Variants in DOCK5 observed in about 807,000 individuals in gnomAD.
DOCK5 encodes the protein dedicator of cytokinesis 5, also known as dedicator of cytokinesis protein 5.
In DOCK5, 142 loss-of-function variants were observed where a neutral mutation model predicts 251.8. The ratio of observed to expected loss-of-function variants is 0.56; its 90% CI spans 0.49 to 0.65. The LOEUF (loss-of-function observed/expected upper bound fraction) is 0.65. Ranked by LOEUF, DOCK5 falls within the 30% of genes least tolerant of loss-of-function variation. The pLI is 0.00. For missense variants in DOCK5, 2,111 were observed against 2,312.3 expected, an observed-to-expected ratio of 0.91 and a Z score of 1.79; for synonymous variants, 842 against 835.5, an observed-to-expected ratio of 1.01 and a Z score of -0.13.
chr8:25,255,170 T>G (rs1236500020), intron 2 of DOCK5, among the ~76,000 whole-genome samples: 2 of 152,154 alleles, frequency 1.3e-5, no homozygotes, highest in African/African-American at 4.8e-5. Context: ...CTAAACACAC[T>G]CTCATCACAC....
intron 2 of DOCK5, among the ~76,000 whole-genome samples, chr8:25,251,278 G>T (rs1469405111): frequency 6.9e-6 from 1 of 144,360 alleles, no homozygotes; most frequent in Non-Finnish European, 1.6e-5. Flanking sequence ...TGTCTCAAAG[G>T]TGAGCTGAAC....
chr8:25,409,805 C>T, intron 50 of DOCK5: 1 of 202,136 alleles, frequency 4.9e-6, no homozygotes, highest in South Asian at 8.5e-5. Context: ...GAGATCGCGC[C>T]ACTGCACTCC....
At chr8:25,369,442 C>A in intron 33 of DOCK5, 114 bp from the exon 34 acceptor site, 1 of 789,218 alleles carries the variant, frequency 1.3e-6, no homozygotes, top group Non-Finnish European at 2.0e-6. Flanking sequence ...TCCTCCCTGT[C>A]TGTGCTGGAA....
intron 36 of DOCK5, 127 bp from the exon 37 acceptor site, chr8:25,374,437 G>A: frequency 1.1e-6 from 1 of 887,256 alleles, no homozygotes; most frequent in South Asian, 1.7e-5. Flanking sequence ...TAAGGCTGCA[G>A]TGAGCCATGA....
intron 18 of DOCK5, among the ~76,000 whole-genome samples, chr8:25,330,161 G>A (rs1409417498): frequency 6.6e-6 from 1 of 152,164 alleles, no homozygotes; most frequent in Non-Finnish European, 1.5e-5. Context: ...ACTAGCCTGT[G>A]ACAGAAATAA....
At chr8:25,263,543 A>G (rs1180749259) in intron 2 of DOCK5, among the ~76,000 whole-genome samples, 1 of 151,810 alleles carries the variant, frequency 6.6e-6, no homozygotes, top group Non-Finnish European at 1.5e-5. Context: ...AGATTTAGCT[A>G]TTTGATCAGT....
chr8:25,233,693 C>T (rs1016563298), intron 1 of DOCK5, among the ~76,000 whole-genome samples: 5 of 152,158 alleles, frequency 3.3e-5, no homozygotes, highest in South Asian at 4.1e-4. Flanking sequence ...TAATTTTGTT[C>T]GCCTTGGTCT....
rs557494618 is a variant in DOCK5, at chr8:25,391,929, A to T, written c.4389A>T (p.Arg1463Ser). 1.4e-5 allele frequency: 22 copies of T among 1,613,808 alleles called. No individual in the cohort carries two copies. Among genetic ancestry groups the T allele is most frequent in the African/African-American group, 1.2e-4 (9 of 74,928 alleles). Residue 1463 changes from arginine to serine, a missense_variant, in exon 43 of 52, where the codon AGA becomes AGT. Physicochemically the swap from Arg to Ser is moderately radical, Grantham distance 110. Coordinates refer to ENST00000276440, the MANE Select transcript of DOCK5 (RefSeq NM_024940.8). Reference sequence around the variant, plus strand: ...GAGCCAATGAAGTGCAGCAGTTCAGATACTCCCGGCCGTTCCGGAAAGGAG... The same window carrying T: ...GAGCCAATGAAGTGCAGCAGTTCAGTTACTCCCGGCCGTTCCGGAAAGGAG... ...YYRANEVQQF[R>S]YSRPFRKGEK...
At chr8:25,302,241 T>C (rs1804785402) in intron 9 of DOCK5, 84 bp from the exon 10 acceptor site, 36 of 1,475,746 alleles carry the variant, frequency 2.4e-5, no homozygotes, top group Non-Finnish European at 2.9e-5. Context: ...AACAGGATTT[T>C]GTTGTAGAGG....
At chr8:25,345,194 G>T (rs1464356357) in intron 25 of DOCK5, among the ~76,000 whole-genome samples, 2 of 151,730 alleles carry the variant, frequency 1.3e-5, no homozygotes, top group Non-Finnish European at 2.9e-5. Flanking sequence ...AAAAGCTAGA[G>T]AAATTGTTAA....
intron 26 of DOCK5, among the ~76,000 whole-genome samples, chr8:25,346,007 G>T (rs927275738): frequency 3.9e-5 from 6 of 152,078 alleles, no homozygotes; most frequent in African/African-American, 1.4e-4. Flanking sequence ...CCGCCACCAC[G>T]CCCGGCTAAT....
chr8:25,221,866 C>T (rs1177021449), intron 1 of DOCK5, among the ~76,000 whole-genome samples: 1 of 152,152 alleles, frequency 6.6e-6, no homozygotes, highest in Non-Finnish European at 1.5e-5. Context: ...GTGCTTGGAG[C>T]TGGGACTTAT....
At chr8:25,238,474 T>C (rs530385247) in intron 1 of DOCK5, among the ~76,000 whole-genome samples, 1 of 152,314 alleles carries the variant, frequency 6.6e-6, no homozygotes, top group African/African-American at 2.4e-5. Context: ...ACGGCGGTGA[T>C]TGGAAATCTT....
At chr8:25,250,872 A>T (rs959017027) in intron 2 of DOCK5, among the ~76,000 whole-genome samples, 2 of 152,238 alleles carry the variant, frequency 1.3e-5, no homozygotes, top group African/African-American at 4.8e-5. Context: ...GTCCTTGTCT[A>T]GATTGACTGT....
At chr8:25,306,240 C>G (rs1317692079) in intron 11 of DOCK5, among the ~76,000 whole-genome samples, 1 of 152,104 alleles carries the variant, frequency 6.6e-6, no homozygotes, top group Admixed American at 6.5e-5. Flanking sequence ...TATTGACCTT[C>G]CAAGACGAGA....
intron 29 of DOCK5, among the ~76,000 whole-genome samples, chr8:25,364,351 T>G (rs1800739874): frequency 6.6e-6 from 1 of 152,156 alleles, no homozygotes; most frequent in Admixed American, 6.5e-5. Flanking sequence ...TACCCTCCTC[T>G]GAGGCTTAAG....
intron 16 of DOCK5, among the ~76,000 whole-genome samples, chr8:25,322,939 C>G (rs1805464864): frequency 6.6e-6 from 1 of 152,178 alleles, no homozygotes; most frequent in African/African-American, 2.4e-5. Flanking sequence ...TACTCCAACA[C>G]TAGAATAGCC....
chr8:25,234,626 G>T (rs1346998701), intron 1 of DOCK5, among the ~76,000 whole-genome samples: 1 of 152,124 alleles, frequency 6.6e-6, no homozygotes, highest in African/African-American at 2.4e-5. Context: ...ACAGCCTGAG[G>T]GTCCTGTGGT....
chr8:25,315,557 C>G (rs987545980), intron 13 of DOCK5, among the ~76,000 whole-genome samples: 2 of 152,222 alleles, frequency 1.3e-5, no homozygotes, highest in Non-Finnish European at 2.9e-5. Flanking sequence ...ACCTCCATTA[C>G]GTGATTATAC....
Sources: gnomAD v4.1 joint callset for allele counts (sites outside exome capture counted in the v4.1 genomes callset) on GRCh38, gnomAD v4.1.1 for gene constraint, MANE v1.5 for transcripts, NCBI Gene and HGNC (gene_info 2026-07-23, HGNC 2026-07-21) for gene names.